The following LINGO2 variants were observed in gnomAD, a reference collection of about 807,000 sequenced individuals.
LINGO2 encodes the protein leucine rich repeat and Ig domain containing 2, also known as leucine-rich repeat and immunoglobulin-like domain-containing nogo receptor-interacting protein 2.
A neutral mutation model predicts 30.6 loss-of-function variants in LINGO2; 14 were observed. The ratio of observed to expected loss-of-function variants is 0.46; its 90% CI spans 0.30 to 0.72. The LOEUF (loss-of-function observed/expected upper bound fraction) is 0.72, where lower values mean the gene tolerates loss of function less well. Ranked by LOEUF, LINGO2 falls within the 30% of genes least tolerant of loss-of-function variation. The pLI, the probability that LINGO2 is intolerant of heterozygous loss-of-function variation, is 0.07. For synonymous variants in LINGO2, 317 were observed against 288.5 expected (o/e 1.10, Z -1.00); for missense variants, 729 against 751.7 (o/e 0.97, Z 0.35).
At chr9:28,470,308 A>G (rs1398503542) in intron 2 of LINGO2, among the ~76,000 whole-genome samples, 1 of 152,240 alleles carries the variant, frequency 6.6e-6, no homozygotes, top group African/African-American at 2.4e-5. Context: ...CTAATTCCTG[A>G]TAATATGGCT....
chr9:28,295,936 C>A (rs138559454), intron 3 of LINGO2, among the ~76,000 whole-genome samples: 1 of 152,274 alleles, frequency 6.6e-6, no homozygotes, highest in East Asian at 1.9e-4. Context: ...GTTGCAAATT[C>A]AGCAGCCACC....
In LINGO2 at chr9:27,957,766, A is replaced by G. The variant is rs116383921; in HGVS notation, c.-35-7060T>C. On this transcript the variant is annotated intron_variant, in intron 5 of 5. Transcript: ENST00000379992. The stretch of plus-strand genomic sequence containing the variant: ...AAATTTTCTGTGATATTGACAAAAA[A>G]TGTGTTGATTAAATTAATAAATCTA... 2.6e-5 allele frequency among the ~76,000 whole-genome samples: 4 copies of G among 152,308 alleles called. No homozygotes were observed. In the South Asian group the frequency reaches 8.3e-4, roughly 32 times the overall value.
the LINGO2 span, among the ~76,000 whole-genome samples, chr9:28,899,854 G>T: frequency 6.6e-6 from 1 of 152,286 alleles, no homozygotes; most frequent in Admixed American, 6.5e-5. Flanking sequence ...CACCCCTGTG[G>T]CTCCATGCTC....
intron 4 of LINGO2, among the ~76,000 whole-genome samples, chr9:28,281,279 C>T (rs994898549): frequency 5.3e-5 from 8 of 151,980 alleles, no homozygotes; most frequent in Non-Finnish European, 1.2e-4. Flanking sequence ...AAAGAAACTA[C>T]TTCCAATATT....
chr9:28,756,018 A>G, the LINGO2 span, among the ~76,000 whole-genome samples: 1 of 152,084 alleles, frequency 6.6e-6, no homozygotes, highest in African/African-American at 2.4e-5. Context: ...CAATAATTAC[A>G]ATATTGGGTA....
chr9:28,521,972 G>C (rs1161151174), intron 1 of LINGO2, among the ~76,000 whole-genome samples: 1 of 152,182 alleles, frequency 6.6e-6, no homozygotes, highest in Non-Finnish European at 1.5e-5. Context: ...ATCCTTCTCT[G>C]TATCCATCGA....
chr9:29,131,184 C>A, the LINGO2 span, among the ~76,000 whole-genome samples: 5 of 152,122 alleles, frequency 3.3e-5, no homozygotes, highest in Non-Finnish European at 7.3e-5. Flanking sequence ...GCATTCCTGA[C>A]AGCACAGGTA....
chr9:28,339,478 C>T (rs1564133093), intron 3 of LINGO2, among the ~76,000 whole-genome samples: 1 of 152,046 alleles, frequency 6.6e-6, no homozygotes, highest in Non-Finnish European at 1.5e-5. Context: ...GAATGATTAG[C>T]AAAATAGTAA....
At chr9:28,957,337 C>G in the LINGO2 span, among the ~76,000 whole-genome samples, 1 of 152,078 alleles carries the variant, frequency 6.6e-6, no homozygotes, top group Admixed American at 6.6e-5. Flanking sequence ...AATGCAATGC[C>G]AAATTTCAAA....
At chr9:28,567,025 A>C (rs1823418706) in intron 1 of LINGO2, among the ~76,000 whole-genome samples, 1 of 152,146 alleles carries the variant, frequency 6.6e-6, no homozygotes, top group Non-Finnish European at 1.5e-5. Context: ...CCTTATTGAT[A>C]TTTATCCATG....
At chr9:29,091,751 T>G in the LINGO2 span, among the ~76,000 whole-genome samples, 95 of 152,150 alleles carry the variant, frequency 6.2e-4, no homozygotes, top group East Asian at 0.017. Context: ...TAACTCTAAA[T>G]TCTACATTGG....
At chr9:28,283,175 T>C (rs1373313610) in intron 4 of LINGO2, among the ~76,000 whole-genome samples, 1 of 152,228 alleles carries the variant, frequency 6.6e-6, no homozygotes, top group African/African-American at 2.4e-5. Flanking sequence ...TAAAGTATTA[T>C]TCAAATAACT....
chr9:29,062,474 G>T, the LINGO2 span, among the ~76,000 whole-genome samples: 2 of 151,840 alleles, frequency 1.3e-5, no homozygotes, highest in Non-Finnish European at 2.9e-5. Context: ...AACAAAATGT[G>T]GTATACATAT....
chr9:28,771,929 T>C, the LINGO2 span, among the ~76,000 whole-genome samples: 6 of 152,216 alleles, frequency 3.9e-5, no homozygotes, highest in African/African-American at 1.4e-4. Flanking sequence ...ATTGACATTA[T>C]CTTTTTATTT....
rs35288673 is a variant in LINGO2, at chr9:28,277,850, C to CAA, written c.-87+17356_-87+17357dup. On this transcript the variant is annotated intron_variant, in intron 4 of 5. Coordinates refer to ENST00000379992, the Ensembl canonical transcript of LINGO2. ...AACAAAACAAAACAAAAAAAAAAAACAAAAAAAAAAACAACTAGAAATGAT... is the reference window on the plus strand; with the variant it reads ...AACAAAACAAAACAAAAAAAAAAAACAAAAAAAAAAAAACAACTAGAAATGAT... 9.6e-4 allele frequency among the ~76,000 whole-genome samples: 130 copies of CAA among 135,980 alleles called. 1 individual carries two copies. Among genetic ancestry groups the CAA allele is most frequent in the East Asian group, 5.9e-3 (28 of 4,736 alleles). 89.2% of individuals were successfully genotyped at this position (135,980 alleles called of 152,430 possible).
chr9:28,636,388 G>C (rs949061199), intron 1 of LINGO2, among the ~76,000 whole-genome samples: 67 of 152,272 alleles, frequency 4.4e-4, no homozygotes, highest in African/African-American at 1.6e-3. Flanking sequence ...AGATCCCGGA[G>C]GAATCGCCAC....
chr9:28,315,766 T>C (rs990157826), intron 3 of LINGO2, among the ~76,000 whole-genome samples: 1 of 152,236 alleles, frequency 6.6e-6, no homozygotes, highest in Non-Finnish European at 1.5e-5. Flanking sequence ...TTCATTTATA[T>C]ACTCAAATTT....
At chr9:28,585,985 T>A (rs566350482) in intron 1 of LINGO2, among the ~76,000 whole-genome samples, 1 of 151,976 alleles carries the variant, frequency 6.6e-6, no homozygotes, top group South Asian at 2.1e-4. Context: ...TACCTCCTGG[T>A]CAGCCCTGGC....
At chr9:28,095,765 G>A (rs1826225503) in intron 4 of LINGO2, among the ~76,000 whole-genome samples, 1 of 152,080 alleles carries the variant, frequency 6.6e-6, no homozygotes, top group African/African-American at 2.4e-5. Flanking sequence ...CCATCAGACT[G>A]AACAGGCAAC....
Sources: gnomAD v4.1 joint callset for allele counts (sites outside exome capture counted in the v4.1 genomes callset) on GRCh38, gnomAD v4.1.1 for gene constraint, MANE v1.5 for transcripts, NCBI Gene and HGNC (gene_info 2026-07-23, HGNC 2026-07-21) for gene names.